The following LIN9 variants were observed in gnomAD, a reference collection of about 807,000 sequenced individuals.
LIN9 encodes protein lin-9 homolog.
A neutral mutation model predicts 78.0 loss-of-function variants in LIN9; 18 were observed. That is an observed-to-expected ratio of 0.23 (90% CI 0.16 to 0.34). The LOEUF (loss-of-function observed/expected upper bound fraction) is 0.34. Among genes scored for constraint, LIN9 ranks in the 10% least tolerant of loss-of-function variants. The pLI is 1.00. For missense variants in LIN9, 451 were observed against 644.1 expected (o/e 0.70, Z 3.25); for synonymous variants, 192 against 215.2 (o/e 0.89, Z 0.94).
Position 226,232,885 on chromosome 1 carries a change from C to T in LIN9, c.1523+211G>A, listed in dbSNP as rs1657437452. 3 of 494,106 alleles carry T rather than the reference C, an allele frequency of 6.1e-6. No homozygotes were observed. The East Asian group carries it at 9.9e-5, about 16-fold the overall frequency. The allele number at this position is 494,106 out of a possible 1,614,324, so 30.6% of individuals were successfully genotyped here. A position where few individuals can be genotyped will look rare whatever the true frequency, so the allele number is the denominator to read the frequency against. ...GCTCAACCTCCATGCTGACCCCAAA[C>T]CTAAATATATGTCCTGATTTCTTTA... On this transcript the variant is annotated intron_variant, in intron 14 of 14. Transcript: ENST00000681046.
chr1:226,242,571 G>T (rs1658183543), intron 11 of LIN9, among the ~76,000 whole-genome samples: 1 of 152,178 alleles, frequency 6.6e-6, no homozygotes, highest in South Asian at 2.1e-4. Context: ...GGAACAGGCT[G>T]ATATAGAGCT....
rs573125955 is a variant in LIN9, at chr1:226,282,249, T to C, written c.524+4084A>G. 7.4e-4 allele frequency among the ~76,000 whole-genome samples: 112 copies of C among 152,352 alleles called. 1 individual carries two copies. The highest frequency in any genetic ancestry group is 2.6e-3 in the African/African-American group (108 of 41,578). On this transcript the variant is annotated intron_variant, in intron 6 of 14. Coordinates refer to ENST00000681046, the MANE Select transcript of LIN9 (RefSeq NM_001366245.2). Reference sequence around the variant, plus strand: ...AATCATTCCCCCATTTATGGACTTTTAGGCTGTTGCCAATCTTTTACTACT... The same window carrying C: ...AATCATTCCCCCATTTATGGACTTTCAGGCTGTTGCCAATCTTTTACTACT...
chr1:226,262,411 A>C (rs1213851748), intron 10 of LIN9, among the ~76,000 whole-genome samples: 4 of 152,222 alleles, frequency 2.6e-5, no homozygotes, highest in Admixed American at 6.5e-5. Flanking sequence ...AAAATATACA[A>C]AGAACTCTTA....
chr1:226,262,483 A>G (rs1157846839), intron 10 of LIN9, among the ~76,000 whole-genome samples: 1 of 152,208 alleles, frequency 6.6e-6, no homozygotes, highest in Non-Finnish European at 1.5e-5. Flanking sequence ...CTTAACAGAC[A>G]CCTCACCAAA....
intron 11 of LIN9, among the ~76,000 whole-genome samples, chr1:226,246,832 C>T (rs1407232882): frequency 1.3e-5 from 2 of 150,128 alleles, no homozygotes; most frequent in Non-Finnish European, 3.0e-5. Context: ...GTCTAAAAGT[C>T]ACTATCAATT....
intron 11 of LIN9, among the ~76,000 whole-genome samples, chr1:226,243,774 AAAAT>A (rs1658273504): frequency 1.3e-5 from 2 of 152,040 alleles, no homozygotes; most frequent in African/African-American, 2.4e-5. Flanking sequence ...TATACATTAA[AAAAT>A]AAATACAAAG....
chr1:226,235,104 G>A lies in LIN9; in HGVS notation c.1246-1581C>T, dbSNP rs188537841. 8.9e-3 allele frequency among the ~76,000 whole-genome samples: 1,353 copies of A among 151,770 alleles called. 9 individuals are homozygous for A. The highest frequency in any genetic ancestry group is 0.014 in the Non-Finnish European group (964 of 67,882). On this transcript the variant is annotated intron_variant, in intron 12 of 14. Coordinates refer to ENST00000681046, the MANE Select transcript of LIN9 (RefSeq NM_001366245.2). ...TCCCAGTACTTTGGGAGGCCGAGGT[G>A]GGTGGATCACCTGAGGTCAGGAGTT...
At chr1:226,289,834 CGGG>C (rs967358215) in intron 4 of LIN9, among the ~76,000 whole-genome samples, 12 of 12,078 alleles carry the variant, frequency 9.9e-4, no homozygotes, top group South Asian at 3.3e-3. Flanking sequence ...AGTAGTCCTC[CGGG>C]GGGGGGGGTG....
At chr1:226,283,776 C>T (rs867532632) in intron 6 of LIN9, among the ~76,000 whole-genome samples, 10 of 151,976 alleles carry the variant, frequency 6.6e-5, no homozygotes, top group African/African-American at 2.2e-4. Context: ...GGTGAAACCC[C>T]GTCTCTACTA....
At chr1:226,254,894 G>C (rs574365826) in intron 10 of LIN9, among the ~76,000 whole-genome samples, 4 of 136,062 alleles carry the variant, frequency 2.9e-5, no homozygotes, top group Admixed American at 2.4e-4. Context: ...CTGGGCGACA[G>C]AGCGAGACTC....
chr1:226,232,506 C>T lies in LIN9; in HGVS notation c.1624G>A (p.Asp542Asn), dbSNP rs773096182. 7.5e-6 allele frequency: 12 copies of T among 1,603,500 alleles called. 1 individual carries two copies. In the South Asian group the frequency reaches 1.3e-4, roughly 18 times the overall value. Reference sequence around the variant, plus strand: ...TGGAATAATGAAATCTTTACTCAGTCTCTGTTGGTGTTATTTGCTGCAAAG... The same window carrying T: ...TGGAATAATGAAATCTTTACTCAGTTTCTGTTGGTGTTATTTGCTGCAAAG... ...HAFAANNTNR[D>N] Residue 542 changes from aspartate (D) to asparagine (N), a missense_variant, in exon 15 of 15, where the codon GAC becomes AAC. Coordinates refer to ENST00000681046, the MANE Select transcript of LIN9 (RefSeq NM_001366245.2).
rs78733644 is a variant in LIN9, at chr1:226,248,188, C to T, written c.1119+2651G>A. On this transcript the variant is annotated intron_variant, in intron 11 of 14. Transcript: ENST00000681046. ...CTCCATTTAACTTGAGTAAATGCCA[C>T]GTTTGAGTTCTGTCACTGAGATGAA... 6.2e-4 allele frequency among the ~76,000 whole-genome samples: 94 copies of T among 152,312 alleles called. 1 individual carries two copies. The East Asian group carries it at 0.016, about 26-fold the overall frequency.
chr1:226,278,892 C>T (rs578040075), intron 6 of LIN9, among the ~76,000 whole-genome samples: 55 of 144,876 alleles, frequency 3.8e-4, no homozygotes, highest in Admixed American at 1.1e-3. Flanking sequence ...GAGGCCGAGG[C>T]GGGTAGATAT....
intron 10 of LIN9, among the ~76,000 whole-genome samples, chr1:226,252,725 C>T (rs1199037983): frequency 6.6e-6 from 1 of 152,108 alleles, no homozygotes; most frequent in Non-Finnish European, 1.5e-5. Context: ...ATAATCCCAG[C>T]ACTTTGGGAG....
intron 1 of LIN9, among the ~76,000 whole-genome samples, chr1:226,307,891 T>C (rs1379958796): frequency 6.6e-6 from 1 of 152,256 alleles, no homozygotes; most frequent in Non-Finnish European, 1.5e-5. Flanking sequence ...AGTTCTATCA[T>C]GGACAAAGTT....
chr1:226,305,607 A>T (rs1035903591), intron 1 of LIN9, among the ~76,000 whole-genome samples: 2 of 147,794 alleles, frequency 1.4e-5, no homozygotes, highest in African/African-American at 2.5e-5. Context: ...GTTAACTGAA[A>T]GTAAGGGGGG....
chr1:226,286,187 A>T (rs1158170955), intron 6 of LIN9, 146 bp downstream of exon 6: 5 of 658,220 alleles, frequency 7.6e-6, no homozygotes, highest in African/African-American at 1.8e-5. Flanking sequence ...GACTATTCAC[A>T]GGTGTAATCA....
In LIN9 at chr1:226,233,155, G is replaced by A. The variant is rs747014358; in HGVS notation, c.1464C>T (p.Phe488=). The A allele has an allele frequency of 3.7e-6, 6 of 1,607,030 alleles. No individual in the cohort carries two copies. The highest frequency in any genetic ancestry group is 5.1e-6 in the Non-Finnish European group (6 of 1,178,032). ...CATTTAATGAGTCTGTAAGTGATTT[G>A]AATTCAAAGGAATTCAGGTCTCCTC... The part of the protein sequence containing the change: ...AEGGDLNSFE[F]KSLTDSLNDI... Residue 488 remains phenylalanine, a synonymous_variant, in exon 14 of 15, where the codon TTC becomes TTT. Transcript: ENST00000681046.
chr1:226,286,261 C>G (rs1290608784), intron 6 of LIN9, 72 bp downstream of exon 6: 22 of 1,507,050 alleles, frequency 1.5e-5, no homozygotes, highest in Non-Finnish European at 1.9e-5. Context: ...TTCCAAGTAA[C>G]TGGGATTATA....
Sources: allele counts gnomAD v4.1 joint callset (sites outside exome capture counted in the v4.1 genomes callset), GRCh38; gene constraint gnomAD v4.1.1; transcripts MANE v1.5; gene names NCBI Gene and HGNC (gene_info 2026-07-23, HGNC 2026-07-21).